Variants in SYNPR observed in about 807,000 individuals in gnomAD.
SYNPR encodes synaptoporin.
A neutral mutation model predicts 32.9 loss-of-function variants in SYNPR; 23 were observed. That is an observed-to-expected ratio of 0.70 (90% CI 0.50 to 0.99). The LOEUF is 0.99. Ranked by LOEUF, SYNPR falls within the 50% of genes least tolerant of loss-of-function variation. The pLI is 0.00. For synonymous variants in SYNPR, 146 were observed against 135.9 expected (o/e 1.07, Z -0.52); for missense variants, 318 against 349.3 (o/e 0.91, Z 0.71).
chr3:63,564,195 C>CTTTT (rs151331065), intron 4 of SYNPR, among the ~76,000 whole-genome samples: 134 of 137,718 alleles, frequency 9.7e-4, no homozygotes, highest in African/African-American at 3.5e-3. Flanking sequence ...GTGTGTCTTT[C>CTTTT]TTTTTTTTTT....
intron 2 of SYNPR, chr3:63,445,436 C>T (rs1700258005): frequency 4.9e-6 from 3 of 615,914 alleles, no homozygotes. Context: ...ATATCATAAC[C>T]AGAAAATCTG....
chr3:63,248,434 C>T (rs1438191464), intron 1 of SYNPR, among the ~76,000 whole-genome samples: 1 of 151,968 alleles, frequency 6.6e-6, no homozygotes, highest in East Asian at 1.9e-4. Flanking sequence ...AGCTGGAAGA[C>T]AGTATGCTAA....
At chr3:63,261,888 G>A (rs1018726159) in intron 2 of SYNPR, among the ~76,000 whole-genome samples, 8 of 151,442 alleles carry the variant, frequency 5.3e-5, no homozygotes, top group African/African-American at 1.7e-4. Context: ...GGGGTGGGGG[G>A]AGAGTGGAGG....
intron 4 of SYNPR, among the ~76,000 whole-genome samples, chr3:63,564,550 C>T (rs1022524192): frequency 6.6e-6 from 1 of 151,786 alleles, no homozygotes; most frequent in Non-Finnish European, 1.5e-5. Context: ...TAAGAAGTGT[C>T]GATAATGCAA....
At chr3:63,537,816 C>T (rs1358796894) in intron 3 of SYNPR, among the ~76,000 whole-genome samples, 6 of 152,090 alleles carry the variant, frequency 3.9e-5, no homozygotes, top group African/African-American at 7.2e-5. Context: ...AGTCCTCAAG[C>T]GACCCAGGGT....
At chr3:63,397,301 G>C (rs1320419606) in intron 2 of SYNPR, among the ~76,000 whole-genome samples, 1 of 152,030 alleles carries the variant, frequency 6.6e-6, no homozygotes, top group East Asian at 1.9e-4. Context: ...AAAATGCAAG[G>C]GTTGATTTAA....
chr3:63,346,639 T>A lies in SYNPR; in HGVS notation c.84+67897T>A, dbSNP rs2087440487. On this transcript the variant is annotated intron_variant, in intron 2 of 5. Coordinates refer to ENST00000478300, the MANE Select transcript of SYNPR (RefSeq NM_001130003.2). The stretch of plus-strand genomic sequence containing the variant: ...GGTGTCCACCACCATGCCCAGCTAA[T>A]TTTTTGTATTTTTAGTAGAGATGGG... Among the ~76,000 whole-genome samples the A allele has an allele frequency of 3.3e-5, 5 of 151,934 alleles. No individual in the cohort carries two copies. The South Asian group carries it at 1.0e-3, about 32-fold the overall frequency.
chr3:63,494,418 CGTATATATATATAT>C (rs1701321779), intron 3 of SYNPR, among the ~76,000 whole-genome samples: 2 of 63,582 alleles, frequency 3.1e-5, no homozygotes, highest in South Asian at 9.1e-4. Context: ...TATATATATA[CGTATATATATATAT>C]ACGTATATAT....
At position 63,420,620 on chromosome 3, in the gene SYNPR, T is replaced by C. The variant is rs374758291; in HGVS notation, c.85-60212T>C. Among the ~76,000 whole-genome samples the C allele has an allele frequency of 3.3e-4, 51 of 152,310 alleles. No homozygotes were observed. The East Asian group carries it at 7.5e-3, about 22-fold the overall frequency. On this transcript the variant is annotated intron_variant, in intron 2 of 5. Transcript: ENST00000478300. Reference sequence around the variant, plus strand: ...TAGTTTTAAAAATGGAAAATATCTTTATAATTTCAGATCTAGGAGGAATTT... The same window carrying C: ...TAGTTTTAAAAATGGAAAATATCTTCATAATTTCAGATCTAGGAGGAATTT...
At chr3:63,367,948 G>A (rs2087748217) in intron 2 of SYNPR, among the ~76,000 whole-genome samples, 1 of 152,202 alleles carries the variant, frequency 6.6e-6, no homozygotes, top group Non-Finnish European at 1.5e-5. Flanking sequence ...CAGAGATTGG[G>A]TGGTAAGGAT....
At chr3:63,471,976 T>C (rs1288329273) in intron 2 of SYNPR, among the ~76,000 whole-genome samples, 1 of 152,176 alleles carries the variant, frequency 6.6e-6, no homozygotes, top group Non-Finnish European at 1.5e-5. Flanking sequence ...TTTTCAAATA[T>C]TCCTATCATG....
At chr3:63,281,896 G>T (rs2367780) in intron 2 of SYNPR, among the ~76,000 whole-genome samples, 10,780 of 152,202 alleles carry the variant, frequency 0.071, 415 homozygotes, top group Middle Eastern at 0.099. Context: ...CAAAAAGAAT[G>T]AATTAGCCAG....
At chr3:63,285,908 G>A (rs1328892393) in intron 2 of SYNPR, among the ~76,000 whole-genome samples, 2 of 152,142 alleles carry the variant, frequency 1.3e-5, no homozygotes, top group African/African-American at 4.8e-5. Flanking sequence ...TGTGATAAGT[G>A]CTCAATAAAA....
chr3:63,294,050 G>A (rs2086769655), intron 2 of SYNPR, among the ~76,000 whole-genome samples: 1 of 152,036 alleles, frequency 6.6e-6, no homozygotes, highest in African/African-American at 2.4e-5. Context: ...GTTTTTCTAT[G>A]CCATTAGATA....
chr3:63,241,663 AGTG>A (rs2086244899), intron 1 of SYNPR, among the ~76,000 whole-genome samples: 1 of 152,104 alleles, frequency 6.6e-6, no homozygotes, highest in Non-Finnish European at 1.5e-5. Flanking sequence ...TCATCTCATA[AGTG>A]TAAGAGGAAA....
At chr3:63,204,742 G>A in the SYNPR span, among the ~76,000 whole-genome samples, 30 of 151,814 alleles carry the variant, frequency 2.0e-4, no homozygotes, top group Non-Finnish European at 4.0e-4. Flanking sequence ...GGAGTGCAGT[G>A]GCACAGTCTA....
At chr3:63,323,533 A>T (rs1181308112) in intron 2 of SYNPR, among the ~76,000 whole-genome samples, 1 of 152,046 alleles carries the variant, frequency 6.6e-6, no homozygotes, top group Non-Finnish European at 1.5e-5. Context: ...GTACTTCTTT[A>T]TACTCCCCAA....
chr3:63,403,892 G>C (rs1161046196), intron 2 of SYNPR, among the ~76,000 whole-genome samples: 1 of 152,180 alleles, frequency 6.6e-6, no homozygotes, highest in Non-Finnish European at 1.5e-5. Flanking sequence ...AGCCATCCTT[G>C]ATCGACCACA....
chr3:63,579,931 C>G (rs946150815), intron 4 of SYNPR, among the ~76,000 whole-genome samples: 2 of 151,802 alleles, frequency 1.3e-5, no homozygotes, highest in African/African-American at 4.8e-5. Context: ...GGGGGGAGGA[C>G]TGTTCATTTT....
Sources: allele counts gnomAD v4.1 joint callset (sites outside exome capture counted in the v4.1 genomes callset), GRCh38; gene constraint gnomAD v4.1.1; transcripts MANE v1.5; gene names NCBI Gene and HGNC (gene_info 2026-07-23, HGNC 2026-07-21).